The following MB21D2 variants were observed in gnomAD, a reference collection of about 807,000 sequenced individuals.
MB21D2 encodes the protein Mab-21 domain containing 2.
In MB21D2, 9 loss-of-function variants were observed where a neutral mutation model predicts 33.3. The ratio of observed to expected loss-of-function variants is 0.27; its 90% confidence interval spans 0.16 to 0.47. MB21D2 has a LOEUF of 0.47. Among genes scored for constraint, MB21D2 ranks in the 20% least tolerant of loss-of-function variants. The pLI is 0.99. For missense variants in MB21D2, 540 were observed against 624.6 expected, an observed-to-expected ratio of 0.86 and a Z score of 1.44; for synonymous variants, 241 against 236.3, an observed-to-expected ratio of 1.02 and a Z score of -0.18.
At chr3:192,834,513 T>C (rs149570812) in intron 1 of MB21D2, among the ~76,000 whole-genome samples, 198 of 152,130 alleles carry the variant, frequency 1.3e-3, no homozygotes, top group African/African-American at 4.4e-3. Context: ...ATGCCTCCTC[T>C]TTGCACATGC....
At chr3:192,888,218 A>G in intron 1 of MB21D2, among the ~76,000 whole-genome samples, 1 of 151,854 alleles carries the variant, frequency 6.6e-6, no homozygotes, top group Admixed American at 6.6e-5. Context: ...TTAAATCTGA[A>G]CTCCTTAAAT....
In MB21D2 at chr3:192,917,658, T is replaced by C; in HGVS notation, c.183A>G (p.Thr61=). 1 of 1,614,206 alleles carries C rather than the reference T, an allele frequency of 6.2e-7. No homozygotes were observed. The highest frequency in any genetic ancestry group is 8.5e-7 in the Non-Finnish European group (1 of 1,180,036). Reference sequence around the variant, plus strand: ...GCATGGAAAAGATGAAATCCTTGGCTGTGTGAATCTCCAGCGCTCTCTGGT... The same window carrying C: ...GCATGGAAAAGATGAAATCCTTGGCCGTGTGAATCTCCAGCGCTCTCTGGT... ...YDDQRALEIH[T]AKDFIFSMLG... The change falls in exon 1 of 2, where the codon ACA becomes ACG. Residue 61 remains threonine (T), a synonymous_variant. Transcript: ENST00000392452.
intron 1 of MB21D2, among the ~76,000 whole-genome samples, chr3:192,825,507 GA>G (rs1712155810): frequency 6.6e-6 from 1 of 152,104 alleles, no homozygotes; most frequent in African/African-American, 2.4e-5. Context: ...AAACATAAAA[GA>G]ATATTAGGAA....
At chr3:192,879,814 T>G (rs1713521329) in intron 1 of MB21D2, among the ~76,000 whole-genome samples, 1 of 152,208 alleles carries the variant, frequency 6.6e-6, no homozygotes, top group Non-Finnish European at 1.5e-5. Flanking sequence ...GAGAAAATCT[T>G]TTAAGCTTTC....
intron 1 of MB21D2, among the ~76,000 whole-genome samples, chr3:192,864,868 TCTA>T (rs1490486220): frequency 6.6e-6 from 1 of 152,172 alleles, no homozygotes; most frequent in Non-Finnish European, 1.5e-5. Context: ...CACTGTTATT[TCTA>T]CTATTTCATT....
intron 1 of MB21D2, among the ~76,000 whole-genome samples, chr3:192,907,313 G>T (rs970072937): frequency 1.4e-5 from 2 of 145,546 alleles, no homozygotes; most frequent in Admixed American, 1.3e-4. Flanking sequence ...TCCACTCTCA[G>T]TCAGATTCAC....
intron 1 of MB21D2, among the ~76,000 whole-genome samples, chr3:192,886,807 T>C (rs1255701762): frequency 6.6e-6 from 1 of 152,134 alleles, no homozygotes; most frequent in Non-Finnish European, 1.5e-5. Context: ...CACAGTACCT[T>C]TTTACCTAAA....
chr3:192,854,379 A>G (rs1247553982), intron 1 of MB21D2, among the ~76,000 whole-genome samples: 1 of 152,220 alleles, frequency 6.6e-6, no homozygotes, highest in Non-Finnish European at 1.5e-5. Flanking sequence ...AACTCTCTTC[A>G]ATTCTCTGAG....
chr3:192,881,682 G>A (rs544469292), intron 1 of MB21D2, among the ~76,000 whole-genome samples: 2 of 152,052 alleles, frequency 1.3e-5, no homozygotes, highest in African/African-American at 2.4e-5. Flanking sequence ...TAAGCTATTC[G>A]GTACCTGTGG....
chr3:192,907,401 C>A (rs9869202), intron 1 of MB21D2, among the ~76,000 whole-genome samples: 1 of 152,012 alleles, frequency 6.6e-6, no homozygotes, highest in East Asian at 1.9e-4. Context: ...CCCTTGTCTG[C>A]GACTATAGAA....
chr3:192,884,655 T>C (rs35560290), intron 1 of MB21D2, among the ~76,000 whole-genome samples: 19,737 of 151,946 alleles, frequency 0.13, 1,362 homozygotes, highest in African/African-American at 0.15. Flanking sequence ...GCGTGAGCCA[T>C]CGCACCCGGC....
chr3:192,861,361 T>C (rs558209552), intron 1 of MB21D2, among the ~76,000 whole-genome samples: 106 of 152,332 alleles, frequency 7.0e-4, no homozygotes, highest in Middle Eastern at 3.4e-3. Context: ...GAGACCCTGC[T>C]AAATGGTATG....
chr3:192,916,690 T>G (rs977415760), intron 1 of MB21D2, among the ~76,000 whole-genome samples: 4 of 152,114 alleles, frequency 2.6e-5, no homozygotes, highest in African/African-American at 9.7e-5. Context: ...GCAGGACACC[T>G]GGGGAGGGTG....
At position 192,872,283 on chromosome 3, in the gene MB21D2, A is replaced by C. The variant is rs565348610; in HGVS notation, c.211+45347T>G. ...AGCTCCCTAGGGTCTAAGGATCAAA[A>C]GTTGCAAAGCTGGCCGGGCGCGGGG... is the stretch of plus-strand genomic sequence containing the variant. On this transcript the variant is annotated intron_variant, in intron 1 of 1. Transcript: ENST00000392452. Among the ~76,000 whole-genome samples, 239 of 152,308 alleles carry C rather than the reference A, an allele frequency of 1.6e-3. 2 individuals are homozygous for C. Among genetic ancestry groups the C allele is most frequent in the African/African-American group, 5.5e-3 (227 of 41,568 alleles).
intron 1 of MB21D2, among the ~76,000 whole-genome samples, chr3:192,868,642 G>T (rs1419572582): frequency 6.6e-6 from 1 of 152,026 alleles, no homozygotes; most frequent in Admixed American, 6.5e-5. Flanking sequence ...CATCTTAAAG[G>T]GGGAAAAGAC....
intron 1 of MB21D2, among the ~76,000 whole-genome samples, chr3:192,900,284 CAAAAAAA>C (rs66984849): frequency 4.4e-5 from 4 of 91,188 alleles, no homozygotes; most frequent in Non-Finnish European, 8.4e-5. Context: ...GACTCTGTCT[CAAAAAAA>C]AAAAAAAAAA....
chr3:192,840,863 A>G (rs1712555200), intron 1 of MB21D2, among the ~76,000 whole-genome samples: 1 of 152,250 alleles, frequency 6.6e-6, no homozygotes, highest in Non-Finnish European at 1.5e-5. Context: ...CCCTGCAATC[A>G]TTGGGAGCTT....
intron 1 of MB21D2, among the ~76,000 whole-genome samples, chr3:192,910,757 A>C (rs1413322634): frequency 6.6e-6 from 1 of 152,190 alleles, no homozygotes; most frequent in Non-Finnish European, 1.5e-5. Context: ...CAAAATATTA[A>C]TGGTGATTCA....
intron 1 of MB21D2, among the ~76,000 whole-genome samples, chr3:192,824,272 G>A (rs1258505717): frequency 6.6e-6 from 1 of 152,094 alleles, no homozygotes; most frequent in Admixed American, 6.5e-5. Flanking sequence ...TAGGTTGGGA[G>A]ATGTAATAAG....
Sources: gnomAD v4.1 joint callset for allele counts (sites outside exome capture counted in the v4.1 genomes callset) on GRCh38, gnomAD v4.1.1 for gene constraint, MANE v1.5 for transcripts, NCBI Gene and HGNC (gene_info 2026-07-23, HGNC 2026-07-21) for gene names.